MIGA1: variants seen among roughly 807,000 people sequenced by gnomAD.
MIGA1 encodes family with sequence similarity 73, member A.
A neutral mutation model predicts 82.0 loss-of-function variants in MIGA1; 58 were observed. The observed-to-expected ratio is 0.71, with a 90% CI of 0.57 to 0.88. MIGA1 has a LOEUF of 0.88. Ranked by LOEUF, MIGA1 falls within the 40% of genes least tolerant of loss-of-function variation. MIGA1 has a pLI of 0.00. For synonymous variants in MIGA1, 249 were observed against 253.6 expected, an observed-to-expected ratio of 0.98 and a Z score of 0.17; for missense variants, 751 against 749.1, an observed-to-expected ratio of 1.00 and a Z score of -0.03.
chr1:77,872,987 C>T lies in MIGA1; in HGVS notation c.1564-17C>T. On this transcript the variant is annotated splice_polypyrimidine_tract_variant and intron_variant, in intron 14 of 15. Transcript: ENST00000370791. ...AAGAAGGTAGAAGTAACTTGATTCT[C>T]CTTTACTTCCCAGCAGATCCCAGAT... The T allele has an allele frequency of 1.2e-6, 2 of 1,613,362 alleles. No homozygotes were observed.
chr1:77,832,082 G>A (rs1032816154), intron 7 of MIGA1, among the ~76,000 whole-genome samples: 1 of 152,180 alleles, frequency 6.6e-6, no homozygotes, highest in Non-Finnish European at 1.5e-5. Context: ...AGTAGTATTA[G>A]CAGGCAACAC....
At chr1:77,871,086 G>A (rs1224056969) in intron 14 of MIGA1, among the ~76,000 whole-genome samples, 3 of 101,304 alleles carry the variant, frequency 3.0e-5, no homozygotes, top group South Asian at 4.1e-4. Flanking sequence ...GAAGGAGACC[G>A]TGGGAAGGGG....
intron 8 of MIGA1, among the ~76,000 whole-genome samples, chr1:77,845,228 G>T (rs1684790990): frequency 6.6e-6 from 1 of 152,006 alleles, no homozygotes; most frequent in Admixed American, 6.6e-5. Context: ...TTATAAGTTT[G>T]CAGTAGACAG....
At chr1:77,794,030 C>G (rs1682551716) in intron 2 of MIGA1, among the ~76,000 whole-genome samples, 1 of 151,996 alleles carries the variant, frequency 6.6e-6, no homozygotes, top group Non-Finnish European at 1.5e-5. Context: ...CTCAAGTGAT[C>G]TGCCCGCCTC....
At chr1:77,814,262 T>A (rs959489774) in intron 6 of MIGA1, among the ~76,000 whole-genome samples, 1 of 152,216 alleles carries the variant, frequency 6.6e-6, no homozygotes. Flanking sequence ...TTCTTCTTCC[T>A]TGGGACAATG....
chr1:77,855,069 G>A (rs554396335), intron 8 of MIGA1, among the ~76,000 whole-genome samples: 1 of 152,212 alleles, frequency 6.6e-6, no homozygotes, highest in South Asian at 2.1e-4. Flanking sequence ...GTTGATTTTT[G>A]TATAAGATGA....
chr1:77,805,491 A>T (rs1397363830), intron 4 of MIGA1, among the ~76,000 whole-genome samples: 1 of 110,216 alleles, frequency 9.1e-6, no homozygotes, highest in South Asian at 2.8e-4. Context: ...TCTTTTTGGC[A>T]GTGTATTGAT....
At chr1:77,835,349 C>T (rs1220644924) in intron 7 of MIGA1, among the ~76,000 whole-genome samples, 3 of 152,042 alleles carry the variant, frequency 2.0e-5, no homozygotes, top group Admixed American at 6.6e-5. Context: ...AGAATATCAT[C>T]GTTGATATCT....
At chr1:77,821,686 G>A (rs1417168704) in intron 7 of MIGA1, among the ~76,000 whole-genome samples, 1 of 152,070 alleles carries the variant, frequency 6.6e-6, no homozygotes, top group Non-Finnish European at 1.5e-5. Context: ...GAGCCACCGC[G>A]CCTGGCCAAA....
Position 77,879,262 on chromosome 1 carries a change from TTATA to T in MIGA1, c.*4201_*4204del, listed in dbSNP as rs1449184552. On this transcript the variant is annotated 3_prime_UTR_variant, in exon 16 of 16. Transcript: ENST00000370791. ...AAATATGTATGTGAAATTTAAGAAT[TTATA>T]TAATCTGTGATTAGTGGAAATAAGA... 2.6e-5 allele frequency: 4 copies of T among 152,204 alleles called. No individual in the cohort carries two copies. Among genetic ancestry groups the T allele is most frequent in the Non-Finnish European group, 5.9e-5 (4 of 68,024 alleles). 9.4% of individuals were successfully genotyped at this position (152,204 alleles called of 1,614,324 possible). A position where few individuals can be genotyped will look rare whatever the true frequency, so the allele number is the denominator to read the frequency against.
chr1:77,790,431 TA>T (rs1458112396), intron 2 of MIGA1, among the ~76,000 whole-genome samples: 1 of 152,088 alleles, frequency 6.6e-6, no homozygotes, highest in Non-Finnish European at 1.5e-5. Flanking sequence ...CACACCCGGC[TA>T]ATTTTTTGTA....
intron 2 of MIGA1, among the ~76,000 whole-genome samples, chr1:77,786,393 A>G: frequency 6.6e-6 from 1 of 152,158 alleles, no homozygotes. Flanking sequence ...ACTTATGCAA[A>G]TTTCTGCAGC....
rs181353422 is a variant in MIGA1, at chr1:77,840,527, G to A, written c.896-2780G>A. 3.7e-4 allele frequency among the ~76,000 whole-genome samples: 56 copies of A among 152,174 alleles called. 1 individual carries two copies. The East Asian group carries it at 9.1e-3, about 25-fold the overall frequency. ...TGTAAATTTAATCCCACTCTCGGCC[G>A]GGTGCAGTGGCTCTCACACCTGTAA... On this transcript the variant is annotated intron_variant, in intron 7 of 15. Transcript: ENST00000370791.
chr1:77,820,347 TATA>T (rs768951840), intron 7 of MIGA1, among the ~76,000 whole-genome samples: 1 of 152,156 alleles, frequency 6.6e-6, no homozygotes, highest in Non-Finnish European at 1.5e-5. Flanking sequence ...CCTACATCTG[TATA>T]ATAACTAAAA....
chr1:77,790,902 T>A (rs1269974417), intron 2 of MIGA1, among the ~76,000 whole-genome samples: 1 of 152,132 alleles, frequency 6.6e-6, no homozygotes, highest in African/African-American at 2.4e-5. Context: ...GCACCATTCC[T>A]AATCCCTGGT....
At chr1:77,794,434 A>G (rs1682569874) in intron 2 of MIGA1, among the ~76,000 whole-genome samples, 1 of 152,112 alleles carries the variant, frequency 6.6e-6, no homozygotes, top group Admixed American at 6.6e-5. Flanking sequence ...TTTGAAATAT[A>G]TAGGATAGGT....
intron 2 of MIGA1, among the ~76,000 whole-genome samples, chr1:77,800,023 T>C (rs1682811435): frequency 6.6e-6 from 1 of 152,204 alleles, no homozygotes; most frequent in African/African-American, 2.4e-5. Context: ...AAGCATTTAA[T>C]GGCATAAATT....
Position 77,783,478 on chromosome 1 carries a change from A to G in MIGA1, c.195+127A>G, listed in dbSNP as rs900459316. On this transcript the variant is annotated intron_variant, in intron 2 of 15. Coordinates refer to ENST00000370791, the MANE Select transcript of MIGA1 (RefSeq NM_198549.4). ...AGTCAAAATATTTATTACAGTAGTTAAAAAACCTACTTGGTTATTTCACGG... is the reference window on the plus strand; with the variant it reads ...AGTCAAAATATTTATTACAGTAGTTGAAAAACCTACTTGGTTATTTCACGG... 10 of 466,778 alleles carry G rather than the reference A, an allele frequency of 2.1e-5. 1 individual carries two copies. Among genetic ancestry groups the G allele is most frequent in the Non-Finnish European group, 2.5e-5 (7 of 279,312 alleles). The allele number at this position is 466,778 out of a possible 1,614,324, so 28.9% of individuals were successfully genotyped here. A position where few individuals can be genotyped will look rare whatever the true frequency, so the allele number is the denominator to read the frequency against.
At chr1:77,824,098 A>G (rs928571029) in intron 7 of MIGA1, among the ~76,000 whole-genome samples, 1 of 152,248 alleles carries the variant, frequency 6.6e-6, no homozygotes, top group African/African-American at 2.4e-5. Context: ...ATTTCTGTTA[A>G]TTTAGCAGCA....
Sources: gnomAD v4.1 joint callset for allele counts (sites outside exome capture counted in the v4.1 genomes callset) on GRCh38, gnomAD v4.1.1 for gene constraint, MANE v1.5 for transcripts, NCBI Gene and HGNC (gene_info 2026-07-23, HGNC 2026-07-21) for gene names.